The following RUNX1T1 variants were observed in gnomAD, a reference collection of about 807,000 sequenced individuals.
RUNX1T1 encodes the protein protein CBFA2T1.
Under a neutral mutation model 62.8 loss-of-function variants are expected in RUNX1T1, and 4 were observed. The observed-to-expected ratio is 0.06, with a 90% CI of 0.03 to 0.15. The LOEUF (loss-of-function observed/expected upper bound fraction) is 0.15, where lower values mean the gene tolerates loss of function less well. Among genes scored for constraint, RUNX1T1 ranks in the 10% least tolerant of loss-of-function variants. The probability of loss-of-function intolerance (pLI) is 1.00; values close to 1 mark genes in which losing one functional copy is unlikely to be tolerated. For missense variants in RUNX1T1, 508 were observed against 754.3 expected (o/e 0.67, Z 3.82); for synonymous variants, 291 against 286.0 (o/e 1.02, Z -0.18).
At chr8:92,068,760 T>A (rs1303656232) in intron 2 of RUNX1T1, among the ~76,000 whole-genome samples, 1 of 152,130 alleles carries the variant, frequency 6.6e-6, no homozygotes, top group Non-Finnish European at 1.5e-5. Context: ...AACTGAATCC[T>A]TAAGATTTTC....
chr8:92,090,370 C>T (rs73308116), intron 1 of RUNX1T1, among the ~76,000 whole-genome samples: 1,813 of 152,016 alleles, frequency 0.012, 23 homozygotes, highest in African/African-American at 0.041. Context: ...TGACCAACTA[C>T]GAAAGGAACA....
chr8:91,994,484 T>C (rs1818299146), intron 5 of RUNX1T1: 2 of 389,724 alleles, frequency 5.1e-6, no homozygotes, highest in Admixed American at 6.1e-5. Context: ...ACACAGCACC[T>C]ACCTTACTGG....
chr8:91,960,559 C>A (rs968832736), intron 10 of RUNX1T1, 42 bp from the exon 12 acceptor site: 6 of 1,594,178 alleles, frequency 3.8e-6, no homozygotes, highest in Admixed American at 1.7e-5. Context: ...CAAGTTAATA[C>A]ACTGTTAAGA....
intron 4 of RUNX1T1, chr8:92,010,392 G>A (rs1286658447): frequency 2.0e-5 from 3 of 152,188 alleles, no homozygotes; most frequent in Non-Finnish European, 4.4e-5. Flanking sequence ...TTAACTACCC[G>A]CTATGCTGAA....
At chr8:92,080,054 T>C (rs145764373) in intron 1 of RUNX1T1, among the ~76,000 whole-genome samples, 3 of 152,164 alleles carry the variant, frequency 2.0e-5, no homozygotes, top group African/African-American at 4.8e-5. Context: ...GAAATAATCT[T>C]AGTAACTTCT....
At chr8:92,095,515 A>T in intron 1 of RUNX1T1, 1 of 1,509,786 alleles carries the variant, frequency 6.6e-7, no homozygotes, top group South Asian at 1.3e-5. Flanking sequence ...AGAGAAGCCA[A>T]CGTGCATCAG....
upstream of RUNX1T1, chr8:92,063,052 AGGCTTCC>A (rs1832328942): frequency 1.4e-6 from 1 of 726,168 alleles, no homozygotes; most frequent in Admixed American, 5.3e-5. Flanking sequence ...TCACAATAAA[AGGCTTCC>A]CTTCATCTTC....
At chr8:92,047,820 A>G (rs1354930268) in intron 1 of RUNX1T1, among the ~76,000 whole-genome samples, 1 of 152,016 alleles carries the variant, frequency 6.6e-6, no homozygotes, top group Non-Finnish European at 1.5e-5. Flanking sequence ...TTGCTCCAAA[A>G]TTGCCTCTTA....
At chr8:92,015,146 G>A (rs541146576) in intron 2 of RUNX1T1, among the ~76,000 whole-genome samples, 6 of 152,234 alleles carry the variant, frequency 3.9e-5, no homozygotes, top group South Asian at 2.1e-4. Flanking sequence ...AGACAGCTTC[G>A]GATGTCAGCT....
intron 1 of RUNX1T1, among the ~76,000 whole-genome samples, chr8:92,040,627 C>T (rs1027035163): frequency 6.6e-6 from 1 of 152,232 alleles, no homozygotes; most frequent in African/African-American, 2.4e-5. Context: ...TCTGGCTCTA[C>T]TGTGCTTTCA....
At chr8:92,085,606 T>G (rs1339830652) in intron 1 of RUNX1T1, among the ~76,000 whole-genome samples, 1 of 152,168 alleles carries the variant, frequency 6.6e-6, no homozygotes, top group Admixed American at 6.5e-5. Context: ...AATCCAATTC[T>G]GACAGATTTT....
chr8:92,042,607 C>A (rs1171422049), intron 1 of RUNX1T1, among the ~76,000 whole-genome samples: 2 of 152,206 alleles, frequency 1.3e-5, no homozygotes, highest in African/African-American at 2.4e-5. Flanking sequence ...CATGGGGCAC[C>A]ATGCCCACCC....
chr8:92,095,152 A>G, intron 1 of RUNX1T1: 1 of 1,535,490 alleles, frequency 6.5e-7, no homozygotes, highest in East Asian at 2.4e-5. Flanking sequence ...TAATCTTTAA[A>G]TGTAAATTCT....
chr8:92,092,778 AT>A (rs1384149823), intron 1 of RUNX1T1, among the ~76,000 whole-genome samples: 1 of 152,202 alleles, frequency 6.6e-6, no homozygotes, highest in Non-Finnish European at 1.5e-5. Flanking sequence ...GCATACTACC[AT>A]TTATCTGCTG....
chr8:92,097,383 C>G (rs1837831291), intron 1 of RUNX1T1, among the ~76,000 whole-genome samples: 1 of 152,146 alleles, frequency 6.6e-6, no homozygotes, highest in Admixed American at 6.5e-5. Context: ...CACTTTAGCT[C>G]TCATAAAAGG....
At chr8:91,985,484 A>T (rs1482836072) in intron 8 of RUNX1T1, among the ~76,000 whole-genome samples, 1 of 152,204 alleles carries the variant, frequency 6.6e-6, no homozygotes, top group Non-Finnish European at 1.5e-5. Context: ...ATAAAACTAG[A>T]ATTAATATAA....
intron 1 of RUNX1T1, chr8:92,095,797 A>G (rs1321336470): frequency 1.9e-5 from 6 of 320,152 alleles, no homozygotes; most frequent in African/African-American, 1.0e-4. Context: ...TGCATGCCCA[A>G]ATCTGCCCCT....
chr8:92,097,785 T>C (rs1232021667), intron 1 of RUNX1T1, among the ~76,000 whole-genome samples: 1 of 152,228 alleles, frequency 6.6e-6, no homozygotes, highest in Non-Finnish European at 1.5e-5. Context: ...GTTTGTTCAT[T>C]GACTTTTGGC....
intron 6 of RUNX1T1, among the ~76,000 whole-genome samples, chr8:91,991,375 G>A (rs540571467): frequency 3.3e-5 from 5 of 152,208 alleles, no homozygotes; most frequent in African/African-American, 1.2e-4. Flanking sequence ...ACAATTGAGG[G>A]TCTTGTATTA....
Sources: gnomAD v4.1 joint callset for allele counts (sites outside exome capture counted in the v4.1 genomes callset) on GRCh38, gnomAD v4.1.1 for gene constraint, MANE v1.5 for transcripts, NCBI Gene and HGNC (gene_info 2026-07-23, HGNC 2026-07-21) for gene names.